Variants in GNE observed in about 807,000 individuals in gnomAD.
GNE encodes glucosamine (UDP-N-acetyl)-2-epimerase/N-acetylmannosamine kinase.
Under a neutral mutation model 61.8 loss-of-function variants are expected in GNE, and 41 were observed. The observed-to-expected ratio is 0.66, with a 90% CI of 0.52 to 0.86. The LOEUF (loss-of-function observed/expected upper bound fraction) is 0.86, where lower values mean the gene tolerates loss of function less well. Ranked by LOEUF, GNE falls within the 40% of genes least tolerant of loss-of-function variation. The pLI, the probability that GNE is intolerant of heterozygous loss-of-function variation, is 0.00. For synonymous variants in GNE, 264 were observed against 326.4 expected, an observed-to-expected ratio of 0.81 and a Z score of 2.06; for missense variants, 608 against 909.1, an observed-to-expected ratio of 0.67 and a Z score of 4.26.
At chr9:36,270,516 CTTTTTT>C (rs1172459956) in intron 1 of GNE, among the ~76,000 whole-genome samples, 2 of 131,678 alleles carry the variant, frequency 1.5e-5, no homozygotes, top group Non-Finnish European at 3.2e-5. Context: ...GGATTTCTTT[CTTTTTT>C]TTTTTTTTTT....
At position 36,221,113 on chromosome 9, in the gene GNE, A is replaced by G. The variant is rs1175248530; in HGVS notation, c.1634-1093T>C. 7.9e-5 allele frequency among the ~76,000 whole-genome samples: 12 copies of G among 152,100 alleles called. No individual in the cohort carries two copies. The South Asian group carries it at 1.2e-3, about 16-fold the overall frequency. On this transcript the variant is annotated intron_variant, in intron 9 of 11. Transcript: ENST00000642385. ...AGGCGGGCAGATCACCTGAAGCCAG[A>G]AGTTCAAGACCAGCCTGACCAACGT...
At chr9:36,262,606 T>C (rs1227691794), upstream of GNE, among the ~76,000 whole-genome samples, 1 of 152,192 alleles carries the variant, frequency 6.6e-6, no homozygotes, top group South Asian at 2.1e-4. Flanking sequence ...GGCTTTGTAG[T>C]ATAATAAAAT....
chr9:36,233,862 A>G (rs749062947), intron 5 of GNE, 58 bp downstream of exon 5: 1 of 1,292,864 alleles, frequency 7.7e-7, no homozygotes, highest in Admixed American at 1.7e-5. Context: ...TGCATACCTT[A>G]TAACAACTCA....
At chr9:36,260,528 A>G (rs1224653227), upstream of GNE, among the ~76,000 whole-genome samples, 2 of 152,184 alleles carry the variant, frequency 1.3e-5, no homozygotes, top group African/African-American at 4.8e-5. Context: ...ATGGTGTATT[A>G]GTTTCACATA....
At chr9:36,265,797 G>A (rs1830757454) in intron 1 of GNE, among the ~76,000 whole-genome samples, 1 of 152,198 alleles carries the variant, frequency 6.6e-6, no homozygotes, top group African/African-American at 2.4e-5. Context: ...TCCCTAGCAT[G>A]CGCCGTTCAC....
intron 3 of GNE, among the ~76,000 whole-genome samples, chr9:36,239,932 A>G (rs1237058238): frequency 6.6e-6 from 1 of 151,170 alleles, no homozygotes; most frequent in African/African-American, 2.4e-5. Flanking sequence ...AGCTGTTGTA[A>G]TAGGGGTTGA....
intron 1 of GNE, among the ~76,000 whole-genome samples, chr9:36,257,372 A>G (rs1436563766): frequency 6.6e-6 from 1 of 152,168 alleles, no homozygotes; most frequent in Admixed American, 6.6e-5. Flanking sequence ...TTCCGACGCT[A>G]TAATTCGGTT....
At chr9:36,222,639 G>A (rs903611781) in intron 9 of GNE, 138 bp downstream of exon 9, 2 of 778,764 alleles carry the variant, frequency 2.6e-6, no homozygotes, top group East Asian at 2.4e-5. Context: ...CTCAGAAAAG[G>A]CCACATGTGG....
Position 36,222,692 on chromosome 9 carries a change from C to G in GNE, c.1633+85G>C, listed in dbSNP as rs1046282556. On this transcript the variant is annotated intron_variant, in intron 9 of 11. Coordinates refer to ENST00000642385, the MANE Select transcript of GNE (RefSeq NM_005476.7). ...GTCATGCAGGAAGTGAAGGCTAAGG[C>G]AGAGTTGTAACCACCTGACCATGTT... The G allele has an allele frequency of 9.5e-6, 9 of 947,722 alleles. No individual in the cohort carries two copies. The African/African-American group carries it at 1.4e-4, about 15-fold the overall frequency. The allele number at this position is 947,722 out of a possible 1,614,324, so 58.7% of individuals were successfully genotyped here. A position where few individuals can be genotyped will look rare whatever the true frequency, so the allele number is the denominator to read the frequency against.
At chr9:36,275,209 T>C (rs1288402811) in intron 1 of GNE, among the ~76,000 whole-genome samples, 1 of 152,226 alleles carries the variant, frequency 6.6e-6, no homozygotes, top group African/African-American at 2.4e-5. Flanking sequence ...TCTTCCGTCC[T>C]AATTCTCAGT....
chr9:36,233,841 G>A lies in GNE; in HGVS notation c.982+79C>T, dbSNP rs755722385. 4.8e-6 allele frequency: 5 copies of A among 1,051,732 alleles called. No homozygotes were observed. The African/African-American group carries it at 7.8e-5, about 16-fold the overall frequency. 65.1% of individuals were successfully genotyped at this position (1,051,732 alleles called of 1,614,324 possible). ...CACTTGTTCACAAAATATATGCTCAGTACTGATATATGCATACCTTATAAC... is the reference window on the plus strand; with the variant it reads ...CACTTGTTCACAAAATATATGCTCAATACTGATATATGCATACCTTATAAC... On this transcript the variant is annotated intron_variant, in intron 5 of 11. Transcript: ENST00000642385.
At chr9:36,236,615 G>A (rs1829404250) in intron 4 of GNE, among the ~76,000 whole-genome samples, 1 of 152,178 alleles carries the variant, frequency 6.6e-6, no homozygotes, top group African/African-American at 2.4e-5. Context: ...ACAGTAGACA[G>A]ACTTTTTATT....
rs185304510 is a variant in GNE at position 36,272,578 on chromosome 9, G to A, written c.51+4316C>T. On this transcript the variant is annotated intron_variant, in intron 1 of 11. Transcript: ENST00000396594. ...GGAGCTTGCAGTGAGCCAAGATCGC[G>A]CCATTGCACTCCAGCCTGGGCGACA... Among the ~76,000 whole-genome samples the A allele has an allele frequency of 2.5e-3, 326 of 130,734 alleles. 1 individual carries two copies. Among genetic ancestry groups the A allele is most frequent in the Admixed American group, 6.2e-3 (67 of 10,768 alleles). 85.8% of individuals were successfully genotyped at this position (130,734 alleles called of 152,430 possible). A position where few individuals can be genotyped will look rare whatever the true frequency, so the allele number is the denominator to read the frequency against.
At chr9:36,258,510 G>C (rs530818412), upstream of GNE, 2 of 985,412 alleles carry the variant, frequency 2.0e-6, no homozygotes, top group Non-Finnish European at 2.4e-6. Flanking sequence ...CCGGAGTGCC[G>C]AATCCGCGAT....
At chr9:36,259,562 C>G (rs2133170008), upstream of GNE, among the ~76,000 whole-genome samples, 1 of 152,278 alleles carries the variant, frequency 6.6e-6, no homozygotes, top group African/African-American at 2.4e-5. Context: ...ACTCTTAGTT[C>G]TCCTGTGGCT....
chr9:36,236,180 C>T (rs1046791279), intron 4 of GNE, among the ~76,000 whole-genome samples: 4 of 151,932 alleles, frequency 2.6e-5, no homozygotes, highest in African/African-American at 9.7e-5. Flanking sequence ...GGAATCACTA[C>T]TTTTCTAGAG....
At chr9:36,273,634 C>T (rs1465000660) in intron 1 of GNE, among the ~76,000 whole-genome samples, 2 of 151,206 alleles carry the variant, frequency 1.3e-5, no homozygotes, top group Non-Finnish European at 2.9e-5. Context: ...CTCTGTTCTA[C>T]TGTCACTCTT....
rs758985414 is a variant in GNE, at chr9:36,219,869, G to T, written c.1785C>A (p.Ala595=). The part of the protein sequence containing the change: ...GCIEAYASGM[A]LQREAKKLHD... ...GGAGCTTTTTTGCCTCCCTCTGCAA[G>T]GCCATTCCAGAGGCGTATGCTTCAA... The change falls in exon 10 of 12, where the codon GCC becomes GCA. Residue 595 remains alanine (A), a synonymous_variant. Transcript: ENST00000642385. 6.2e-7 allele frequency: 1 copy of T among 1,614,170 alleles called. No individual in the cohort carries two copies. The highest frequency in any genetic ancestry group is 8.5e-7 in the Non-Finnish European group (1 of 1,180,008).
intron 9 of GNE, among the ~76,000 whole-genome samples, chr9:36,222,562 C>T (rs1828645482): frequency 6.6e-6 from 1 of 152,096 alleles, no homozygotes; most frequent in South Asian, 2.1e-4. Context: ...GAAATAAGAG[C>T]TTTGAATAGC....
Sources: allele counts gnomAD v4.1 joint callset (sites outside exome capture counted in the v4.1 genomes callset), GRCh38; gene constraint gnomAD v4.1.1; transcripts MANE v1.5; gene names NCBI Gene and HGNC (gene_info 2026-07-23, HGNC 2026-07-21).